RBPJ: variants seen among roughly 807,000 people sequenced by gnomAD.
RBPJ encodes the protein recombining binding protein suppressor of hairless.
In RBPJ, 9 loss-of-function variants were observed where a neutral mutation model predicts 67.8. The ratio of observed to expected loss-of-function variants is 0.13; its 90% confidence interval spans 0.08 to 0.23. The LOEUF (loss-of-function observed/expected upper bound fraction) is 0.23. Ranked by LOEUF, RBPJ falls within the 10% of genes least tolerant of loss-of-function variation. The probability of loss-of-function intolerance (pLI) is 1.00; values close to 1 mark genes in which losing one functional copy is unlikely to be tolerated. For synonymous variants in RBPJ, 198 were observed against 203.3 expected (o/e 0.97, Z 0.22); for missense variants, 305 against 595.6 (o/e 0.51, Z 5.08).
At chr4:26,146,438 A>G in the RBPJ span, among the ~76,000 whole-genome samples, 8 of 152,230 alleles carry the variant, frequency 5.3e-5, no homozygotes, top group Non-Finnish European at 7.3e-5. Flanking sequence ...ACAAGAAAAC[A>G]TTTAGAAGTC....
intron 1 of RBPJ, among the ~76,000 whole-genome samples, chr4:26,209,098 A>ATGT (rs60595455): frequency 6.8e-6 from 1 of 146,962 alleles, no homozygotes; most frequent in Non-Finnish European, 1.5e-5. Flanking sequence ...GAAGAAAAAA[A>ATGT]ATATATATAT....
chr4:26,219,473 A>C (rs1718829607), intron 1 of RBPJ, among the ~76,000 whole-genome samples: 1 of 152,218 alleles, frequency 6.6e-6, no homozygotes. Flanking sequence ...TAAGAGTTCA[A>C]GTTCCAGTTC....
intron 1 of RBPJ, among the ~76,000 whole-genome samples, chr4:26,385,609 C>G (rs1234364443): frequency 6.6e-6 from 1 of 152,058 alleles, no homozygotes; most frequent in Non-Finnish European, 1.5e-5. Context: ...TGAAATGCTT[C>G]TATGTTAGGC....
At chr4:26,269,229 T>A (rs2109260126) in intron 1 of RBPJ, among the ~76,000 whole-genome samples, 1 of 150,248 alleles carries the variant, frequency 6.7e-6, no homozygotes, top group Non-Finnish European at 1.5e-5. Context: ...ATTTATTTAA[T>A]TTATTTTTTA....
At chr4:26,107,414 G>A in the RBPJ span, among the ~76,000 whole-genome samples, 4 of 152,180 alleles carry the variant, frequency 2.6e-5, 1 homozygote, top group African/African-American at 9.7e-5. Flanking sequence ...CTCTCCCCAA[G>A]GTACTGCCTG....
the RBPJ span, among the ~76,000 whole-genome samples, chr4:26,145,663 G>A: frequency 6.6e-6 from 1 of 152,160 alleles, no homozygotes; most frequent in African/African-American, 2.4e-5. Flanking sequence ...ATAATACGGA[G>A]GAGGTTTTGG....
Position 26,267,694 on chromosome 4 carries a change from A to G in RBPJ, c.-166-94752A>G, listed in dbSNP as rs189403052. Among the ~76,000 whole-genome samples the G allele has an allele frequency of 9.6e-4, 146 of 151,890 alleles. 2 individuals carry two copies. The highest frequency in any genetic ancestry group is 3.4e-3 in the African/African-American group (139 of 41,386). ...ACGATCTCGGCTCACTGCACCCTCC[A>G]CCTCCCAGGTTCAAGCAATTCTCCT... On this transcript the variant is annotated intron_variant, in intron 1 of 4. Coordinates refer to the RBPJ transcript ENST00000512351.
At chr4:26,396,722 G>C (rs1026915429) in intron 2 of RBPJ, among the ~76,000 whole-genome samples, 2 of 152,244 alleles carry the variant, frequency 1.3e-5, no homozygotes, top group Admixed American at 1.3e-4. Flanking sequence ...TCATAGCTGT[G>C]TGACAGGATT....
chr4:26,358,911 G>C (rs1202343907), intron 1 of RBPJ, among the ~76,000 whole-genome samples: 2 of 152,138 alleles, frequency 1.3e-5, no homozygotes, highest in Non-Finnish European at 2.9e-5. Context: ...CATGTATTAA[G>C]TCTTTTCCCC....
chr4:26,222,356 G>A (rs555197241), intron 1 of RBPJ, among the ~76,000 whole-genome samples: 5 of 151,968 alleles, frequency 3.3e-5, no homozygotes, highest in African/African-American at 1.2e-4. Context: ...TTAGTTGGGC[G>A]TGGTGGCGGC....
At position 26,430,356 on chromosome 4, in the gene RBPJ, A is replaced by G; in HGVS notation, c.1045-63A>G. Reference sequence around the variant, plus strand: ...CAAATGAAAGTTGAATGAGAATCTAATTTGTGTACTTTAATGAAAAATGAA... The same window carrying G: ...CAAATGAAAGTTGAATGAGAATCTAGTTTGTGTACTTTAATGAAAAATGAA... On this transcript the variant is annotated intron_variant, in intron 9 of 10. Coordinates refer to ENST00000355476, the MANE Select transcript of RBPJ (RefSeq NM_015874.6). This position sits in a 1 kb window ranked among gnomAD's most constrained non-coding sequence, Gnocchi z 4.1. 7.5e-7 allele frequency: 1 copy of G among 1,324,536 alleles called. No homozygotes were observed. The highest frequency in any genetic ancestry group is 1.2e-5 in the South Asian group (1 of 81,298). 82.0% of individuals were successfully genotyped at this position (1,324,536 alleles called of 1,614,324 possible). A position where few individuals can be genotyped will look rare whatever the true frequency, so the allele number is the denominator to read the frequency against.
the RBPJ span, among the ~76,000 whole-genome samples, chr4:26,155,014 A>T: frequency 2.6e-5 from 4 of 152,218 alleles, no homozygotes; most frequent in African/African-American, 9.6e-5. Context: ...CATAAAGAAT[A>T]TTAAGAGTTA....
At chr4:26,426,562 T>C (rs1436507313) in intron 7 of RBPJ, among the ~76,000 whole-genome samples, 1 of 152,208 alleles carries the variant, frequency 6.6e-6, no homozygotes, top group Admixed American at 6.5e-5. Flanking sequence ...CTCTCGTCAT[T>C]GAGTTTACAT....
At chr4:26,301,793 ATATT>A (rs1005209825) in intron 1 of RBPJ, among the ~76,000 whole-genome samples, 18 of 151,646 alleles carry the variant, frequency 1.2e-4, no homozygotes, top group Non-Finnish European at 1.3e-4. Flanking sequence ...AGGATAATTT[ATATT>A]TATTTATTTA....
chr4:26,373,420 C>T (rs1729361474), intron 1 of RBPJ, among the ~76,000 whole-genome samples: 1 of 152,146 alleles, frequency 6.6e-6, no homozygotes, highest in South Asian at 2.1e-4. Context: ...TTCTGAAGGG[C>T]TCCATAAATG....
At chr4:26,413,550 A>G (rs1734252485) in intron 3 of RBPJ, among the ~76,000 whole-genome samples, 1 of 152,222 alleles carries the variant, frequency 6.6e-6, no homozygotes, top group Admixed American at 6.5e-5. Flanking sequence ...GATATAATAA[A>G]TAATTTGGAG....
chr4:26,401,067 C>T (rs1303350446), intron 2 of RBPJ, among the ~76,000 whole-genome samples: 2 of 152,222 alleles, frequency 1.3e-5, no homozygotes, highest in Non-Finnish European at 2.9e-5. Context: ...ATTTTGTGTA[C>T]TGTTGAAGGT....
chr4:26,368,587 G>T (rs140354082), intron 1 of RBPJ, among the ~76,000 whole-genome samples: 14 of 152,046 alleles, frequency 9.2e-5, no homozygotes, highest in Admixed American at 9.2e-4. Flanking sequence ...AAATTTCTCC[G>T]CCTAGAGTGT....
At chr4:26,188,521 AG>A (rs1272160115) in intron 1 of RBPJ, among the ~76,000 whole-genome samples, 18 of 152,228 alleles carry the variant, frequency 1.2e-4, no homozygotes, top group African/African-American at 4.1e-4. Flanking sequence ...AATCTGTCAC[AG>A]AACAAGTTGA....
Sources: allele counts gnomAD v4.1 joint callset (sites outside exome capture counted in the v4.1 genomes callset), GRCh38; gene constraint gnomAD v4.1.1; non-coding constraint Gnocchi (gnomAD v3.1); transcripts MANE v1.5; gene names NCBI Gene and HGNC (gene_info 2026-07-23, HGNC 2026-07-21).